The following DAB1 variants were observed in gnomAD, a reference collection of about 807,000 sequenced individuals.
DAB1 encodes the protein DAB adaptor protein 1.
DAB1 carries 15 observed loss-of-function variants against 64.6 expected under a neutral mutation model. The ratio of observed to expected loss-of-function variants is 0.23; its 90% CI spans 0.16 to 0.36. The LOEUF (loss-of-function observed/expected upper bound fraction) is 0.36, where lower values mean the gene tolerates loss of function less well. Ranked by LOEUF, DAB1 falls within the 10% of genes least tolerant of loss-of-function variation. The probability of loss-of-function intolerance (pLI) is 1.00; values close to 1 mark genes in which losing one functional copy is unlikely to be tolerated. For synonymous variants in DAB1, 235 were observed against 251.9 expected (o/e 0.93, Z 0.64); for missense variants, 596 against 706.7 (o/e 0.84, Z 1.78).
chr1:57,551,556 G>A (rs181990853), intron 7 of DAB1, among the ~76,000 whole-genome samples: 38 of 152,214 alleles, frequency 2.5e-4, no homozygotes, highest in East Asian at 2.1e-3. Context: ...AAACCACTTC[G>A]GCTTCCCTCT....
At chr1:57,216,781 A>AT (rs1666460108) in intron 2 of DAB1, among the ~76,000 whole-genome samples, 1 of 152,280 alleles carries the variant, frequency 6.6e-6, no homozygotes, top group African/African-American at 2.4e-5. Flanking sequence ...TTTTATTGTC[A>AT]TTTTTACAGA....
intron 7 of DAB1, among the ~76,000 whole-genome samples, chr1:57,547,694 GT>G (rs2101467228): frequency 6.6e-6 from 1 of 152,312 alleles, no homozygotes; most frequent in Non-Finnish European, 1.5e-5. Flanking sequence ...TGGTATCCTG[GT>G]TTGGATTCTG....
At chr1:58,033,729 A>G (rs1464751459) in intron 5 of DAB1, among the ~76,000 whole-genome samples, 3 of 152,188 alleles carry the variant, frequency 2.0e-5, no homozygotes, top group Non-Finnish European at 4.4e-5. Flanking sequence ...AAATTTTCCT[A>G]AGCATACTAC....
At chr1:58,216,429 T>C (rs893403547) in intron 4 of DAB1, among the ~76,000 whole-genome samples, 3 of 152,330 alleles carry the variant, frequency 2.0e-5, no homozygotes, top group African/African-American at 4.8e-5. Context: ...TAGTCTATCA[T>C]TGATGGGCAT....
intron 6 of DAB1, among the ~76,000 whole-genome samples, chr1:57,692,609 G>C: frequency 6.6e-6 from 1 of 152,114 alleles, no homozygotes; most frequent in Non-Finnish European, 1.5e-5. Flanking sequence ...TTAAAAGGCA[G>C]GGTAAATTTC....
At chr1:58,351,384 G>GA (rs1457628706) in intron 3 of DAB1, among the ~76,000 whole-genome samples, 7 of 152,112 alleles carry the variant, frequency 4.6e-5, no homozygotes, top group Admixed American at 4.6e-4. Flanking sequence ...AATATCTCAT[G>GA]TCCTTCTCAC....
intron 7 of DAB1, among the ~76,000 whole-genome samples, chr1:57,497,764 T>A (rs768232515): frequency 6.6e-6 from 1 of 152,228 alleles, no homozygotes; most frequent in East Asian, 1.9e-4. Context: ...GAGGAATAGA[T>A]AGAAGTCAGA....
intron 7 of DAB1, among the ~76,000 whole-genome samples, chr1:57,430,433 T>G (rs540633869): frequency 6.6e-6 from 1 of 151,360 alleles, no homozygotes; most frequent in African/African-American, 2.4e-5. Context: ...TGGAGTGCAG[T>G]GGCGCCATCT....
intron 5 of DAB1, among the ~76,000 whole-genome samples, chr1:58,077,424 T>G (rs955582434): frequency 4.0e-5 from 6 of 151,850 alleles, no homozygotes; most frequent in Non-Finnish European, 8.8e-5. Context: ...ACTCCCTAGA[T>G]GAGGAGGAAA....
intron 2 of DAB1, among the ~76,000 whole-genome samples, chr1:57,184,804 A>T (rs1374903358): frequency 6.6e-6 from 1 of 152,022 alleles, no homozygotes; most frequent in Admixed American, 6.6e-5. Flanking sequence ...AGTCCCATAG[A>T]CGCTTTTTCA....
At chr1:57,071,099 G>C (rs1394778134) in intron 6 of DAB1, 38 bp from the exon 7 acceptor site, 1 of 1,577,516 alleles carries the variant, frequency 6.3e-7, no homozygotes, top group Non-Finnish European at 8.7e-7. Flanking sequence ...GAAAAGCAGA[G>C]GACATAAAGG....
At chr1:57,314,030 C>A (rs550274153) in intron 1 of DAB1, among the ~76,000 whole-genome samples, 1 of 152,312 alleles carries the variant, frequency 6.6e-6, no homozygotes, top group South Asian at 2.1e-4. Flanking sequence ...TATTTACAAA[C>A]CACCCATTCT....
At chr1:58,264,039 G>A (rs1052591127) in intron 4 of DAB1, among the ~76,000 whole-genome samples, 2 of 152,172 alleles carry the variant, frequency 1.3e-5, no homozygotes, top group Non-Finnish European at 2.9e-5. Flanking sequence ...ATAGTTCAAC[G>A]ATGAGAAACT....
intron 2 of DAB1, among the ~76,000 whole-genome samples, chr1:57,287,144 A>C (rs1672380510): frequency 6.6e-6 from 1 of 152,162 alleles, no homozygotes; most frequent in South Asian, 2.1e-4. Context: ...TGATTTTGGC[A>C]CACTGCAAAC....
intron 1 of DAB1, among the ~76,000 whole-genome samples, chr1:57,357,607 G>A (rs533735116): frequency 6.8e-4 from 94 of 137,894 alleles, no homozygotes; most frequent in African/African-American, 2.5e-3. Flanking sequence ...ATGTGAATTT[G>A]TCATGCTGCT....
chr1:58,269,724 G>A, intron 4 of DAB1, among the ~76,000 whole-genome samples: 1 of 69,114 alleles, frequency 1.4e-5, no homozygotes, highest in Non-Finnish European at 3.0e-5. Context: ...TCTAACTGGT[G>A]TGAGATGGTA....
At chr1:58,459,190 A>G (rs1330812570) in intron 3 of DAB1, among the ~76,000 whole-genome samples, 2 of 152,372 alleles carry the variant, frequency 1.3e-5, no homozygotes, top group East Asian at 3.9e-4. Context: ...CAGGATTTTG[A>G]GCATTGCGTT....
chr1:58,263,236 G>A (rs889726345), intron 4 of DAB1, among the ~76,000 whole-genome samples: 9 of 152,214 alleles, frequency 5.9e-5, no homozygotes, highest in African/African-American at 2.2e-4. Context: ...AATATCTGGA[G>A]TTGTTTATAG....
intron 3 of DAB1, among the ~76,000 whole-genome samples, chr1:58,441,892 AC>A (rs1216721129): frequency 1.3e-5 from 2 of 151,760 alleles, no homozygotes; most frequent in African/African-American, 2.4e-5. Flanking sequence ...TCTGACTGGG[AC>A]CCCCCCAGAG....
Sources: gnomAD v4.1 joint callset for allele counts (sites outside exome capture counted in the v4.1 genomes callset) on GRCh38, gnomAD v4.1.1 for gene constraint, MANE v1.5 for transcripts, NCBI Gene and HGNC (gene_info 2026-07-23, HGNC 2026-07-21) for gene names.